The following PARVA variants were observed in gnomAD, a reference collection of about 807,000 sequenced individuals.
The protein encoded by PARVA is parvin alpha.
PARVA carries 25 observed loss-of-function variants against 52.6 expected under a neutral mutation model. The ratio of observed to expected loss-of-function variants is 0.48; its 90% CI spans 0.35 to 0.66. PARVA has a LOEUF of 0.66. PARVA is among the 30% of genes least tolerant of loss of function. The pLI, the probability that PARVA is intolerant of heterozygous loss-of-function variation, is 0.01. For missense variants in PARVA, 373 were observed against 450.9 expected (o/e 0.83, Z 1.56); for synonymous variants, 185 against 179.1 (o/e 1.03, Z -0.26).
At chr11:12,452,380 C>T (rs1240793496) in intron 1 of PARVA, among the ~76,000 whole-genome samples, 1 of 152,000 alleles carries the variant, frequency 6.6e-6, no homozygotes, top group Non-Finnish European at 1.5e-5. Flanking sequence ...TAAGAGACAA[C>T]CTAAACTAGT....
In PARVA at chr11:12,405,376, G is replaced by A. The variant is rs928657705; in HGVS notation, c.136+27593G>A. ...CCCTGATTACAAATTTAACACATGC[G>A]TATAGGAAAAAGTTTAGAAAAATAT... On this transcript the variant is annotated intron_variant, in intron 1 of 12. Transcript: ENST00000334956. 5.9e-5 allele frequency among the ~76,000 whole-genome samples: 9 copies of A among 152,224 alleles called. No homozygotes were observed. In the South Asian group the frequency reaches 1.0e-3, roughly 18 times the overall value.
chr11:12,394,106 A>G (rs1051773702), intron 1 of PARVA, among the ~76,000 whole-genome samples: 3 of 152,170 alleles, frequency 2.0e-5, no homozygotes, highest in Non-Finnish European at 4.4e-5. Flanking sequence ...ACCCTATGGG[A>G]TAGGGAATTA....
intron 12 of PARVA, among the ~76,000 whole-genome samples, chr11:12,524,328 C>G (rs767711203): frequency 4.6e-5 from 7 of 152,218 alleles, no homozygotes; most frequent in African/African-American, 1.7e-4. Flanking sequence ...CAGGGTCACA[C>G]AGCTGTAGTG....
chr11:12,525,355 C>T (rs1941687151), intron 12 of PARVA, among the ~76,000 whole-genome samples: 1 of 152,080 alleles, frequency 6.6e-6, no homozygotes, highest in Non-Finnish European at 1.5e-5. Flanking sequence ...CCTGCACAGC[C>T]ATGCCTGGAG....
At chr11:12,435,432 A>C (rs1285658683) in intron 1 of PARVA, among the ~76,000 whole-genome samples, 1 of 152,236 alleles carries the variant, frequency 6.6e-6, no homozygotes, top group Non-Finnish European at 1.5e-5. Flanking sequence ...CACAGATGAG[A>C]TGTGAAACAC....
chr11:12,491,211 G>A (rs1287806723), intron 4 of PARVA, among the ~76,000 whole-genome samples: 1 of 152,170 alleles, frequency 6.6e-6, no homozygotes, highest in Non-Finnish European at 1.5e-5. Flanking sequence ...TACCCAGGCT[G>A]GAGTACAGTG....
intron 12 of PARVA, among the ~76,000 whole-genome samples, chr11:12,523,635 CAATG>C (rs965744337): frequency 3.9e-5 from 6 of 152,228 alleles, no homozygotes; most frequent in Non-Finnish European, 8.8e-5. Flanking sequence ...GAGGAGCAAA[CAATG>C]AGCCCTTTCC....
chr11:12,505,878 C>T (rs907698503), intron 6 of PARVA, among the ~76,000 whole-genome samples: 38 of 152,304 alleles, frequency 2.5e-4, no homozygotes, highest in African/African-American at 8.4e-4. Context: ...AGGTGGACAT[C>T]GTCCCCATAG....
At chr11:12,514,156 TCCCAGCTGA>T in intron 10 of PARVA, 91 bp downstream of exon 10, 1 of 966,656 alleles carries the variant, frequency 1.0e-6, no homozygotes, top group Non-Finnish European at 1.7e-6. Context: ...AGGAGGGCTT[TCCCAGCTGA>T]GGGGGATGAG....
intron 4 of PARVA, among the ~76,000 whole-genome samples, chr11:12,490,527 A>AG (rs72520155): frequency 3.0e-5 from 4 of 135,018 alleles, no homozygotes; most frequent in African/African-American, 5.0e-5. Flanking sequence ...AAAAAAAAAA[A>AG]AAGAGAGAGA....
At chr11:12,392,032 A>G (rs1039787649) in intron 1 of PARVA, among the ~76,000 whole-genome samples, 20 of 151,984 alleles carry the variant, frequency 1.3e-4, no homozygotes, top group Admixed American at 2.6e-4. Flanking sequence ...CCCATTTCCT[A>G]ACCCCAAGTT....
intron 4 of PARVA, among the ~76,000 whole-genome samples, chr11:12,494,047 G>C (rs1941264997): frequency 6.6e-6 from 1 of 152,156 alleles, no homozygotes; most frequent in African/African-American, 2.4e-5. Flanking sequence ...ATGGCACACA[G>C]AACTCAGGAA....
chr11:12,476,013 G>T (rs1941009409), intron 3 of PARVA, among the ~76,000 whole-genome samples: 1 of 152,224 alleles, frequency 6.6e-6, no homozygotes, highest in South Asian at 2.1e-4. Context: ...AAAGGGGCTA[G>T]CCCTGGGCTT....
intron 1 of PARVA, among the ~76,000 whole-genome samples, chr11:12,387,721 G>A (rs1476874053): frequency 2.1e-5 from 3 of 142,320 alleles, no homozygotes; most frequent in African/African-American, 7.7e-5. Flanking sequence ...CCCAGTGGCA[G>A]CAGTGAGCCC....
intron 1 of PARVA, among the ~76,000 whole-genome samples, chr11:12,470,275 C>A (rs1564855135): frequency 6.6e-6 from 1 of 152,202 alleles, no homozygotes; most frequent in East Asian, 1.9e-4. Context: ...TGAGTGCTTA[C>A]AATGCTTGAG....
chr11:12,378,699 A>G (rs1381674692), intron 1 of PARVA, among the ~76,000 whole-genome samples: 1 of 150,590 alleles, frequency 6.6e-6, no homozygotes, highest in Non-Finnish European at 1.5e-5. Flanking sequence ...CACTGTGGTG[A>G]CTGGTGTGTA....
chr11:12,448,647 T>C (rs1358539746), intron 1 of PARVA, among the ~76,000 whole-genome samples: 2 of 152,166 alleles, frequency 1.3e-5, no homozygotes, highest in African/African-American at 4.8e-5. Context: ...GTGATGCTGT[T>C]GAGCCCGAGT....
chr11:12,443,464 C>G (rs895754074), intron 1 of PARVA, among the ~76,000 whole-genome samples: 2 of 152,160 alleles, frequency 1.3e-5, no homozygotes, highest in African/African-American at 4.8e-5. Context: ...GGCACCACAC[C>G]TGGCCAACTT....
In PARVA at chr11:12,527,518, C is replaced by G. The variant is rs551608747; in HGVS notation, c.1043-331C>G. Among the ~76,000 whole-genome samples the G allele has an allele frequency of 3.3e-5, 5 of 152,140 alleles. No homozygotes were observed. The South Asian group carries it at 6.2e-4, about 19-fold the overall frequency. ...GAGGCAGCTTGAGTCCTAATGCACC[C>G]CCTGGTCTTCCACTGCAGCCCCAGG... On this transcript the variant is annotated intron_variant, in intron 12 of 12. Coordinates refer to ENST00000334956, the MANE Select transcript of PARVA (RefSeq NM_018222.5).
Sources: gnomAD v4.1 joint callset for allele counts (sites outside exome capture counted in the v4.1 genomes callset) on GRCh38, gnomAD v4.1.1 for gene constraint, MANE v1.5 for transcripts, NCBI Gene and HGNC (gene_info 2026-07-23, HGNC 2026-07-21) for gene names.